CKAP2: variants seen among roughly 807,000 people sequenced by gnomAD.
CKAP2 encodes cytoskeleton associated protein 2, also known as cytoskeleton-associated protein 2.
Under a neutral mutation model 58.4 loss-of-function variants are expected in CKAP2, and 46 were observed. That is an observed-to-expected ratio of 0.79 (90% CI 0.62 to 1.01). The LOEUF is 1.01. Ranked by LOEUF, CKAP2 falls within the 50% of genes least tolerant of loss-of-function variation. The pLI, the probability that CKAP2 is intolerant of heterozygous loss-of-function variation, is 0.00. For synonymous variants in CKAP2, 293 were observed against 280.9 expected, an observed-to-expected ratio of 1.04 and a Z score of -0.43; for missense variants, 809 against 796.4, an observed-to-expected ratio of 1.02 and a Z score of -0.19.
At position 52,476,243 on chromosome 13, in the gene CKAP2, C is replaced by G. The variant is rs1175434347; in HGVS notation, c.*1102C>G. 6.6e-6 allele frequency: 1 copy of G among 152,148 alleles called. No homozygotes were observed. Among genetic ancestry groups the G allele is most frequent in the African/African-American group, 2.4e-5 (1 of 41,448 alleles). The allele number at this position is 152,148 out of a possible 1,614,324, so 9.4% of individuals were successfully genotyped here. On this transcript the variant is annotated 3_prime_UTR_variant, in exon 9 of 9. Coordinates refer to ENST00000258607, the MANE Select transcript of CKAP2 (RefSeq NM_018204.5). The stretch of plus-strand genomic sequence containing the variant: ...TCACATGCTTAGTCATTTTTATGTT[C>G]ATTCCACTTTGTATATCTTTTCTAT...
intron 7 of CKAP2, among the ~76,000 whole-genome samples, chr13:52,472,381 T>G (rs1275262072): frequency 1.3e-5 from 2 of 152,212 alleles, no homozygotes; most frequent in Non-Finnish European, 2.9e-5. Context: ...GTTGAATTAA[T>G]CTATATTCTT....
chr13:52,455,672 G>C (rs1958465615), intron 1 of CKAP2, 46 bp downstream of exon 1: 1 of 1,456,376 alleles, frequency 6.9e-7, no homozygotes, highest in Non-Finnish European at 9.2e-7. Context: ...GGTGGCGGTG[G>C]CGGGCGCGGG....
At chr13:52,471,487 C>T (rs566742208) in intron 7 of CKAP2, among the ~76,000 whole-genome samples, 94 of 149,870 alleles carry the variant, frequency 6.3e-4, no homozygotes, top group Non-Finnish European at 1.2e-3. Flanking sequence ...CATAAGTGGT[C>T]GAAGTAGTTC....
At chr13:52,464,568 A>C (rs1046070091) in intron 5 of CKAP2, among the ~76,000 whole-genome samples, 11 of 152,000 alleles carry the variant, frequency 7.2e-5, no homozygotes, top group South Asian at 6.2e-4. Flanking sequence ...AAAAAAAAAA[A>C]AAAAAACAAT....
At chr13:52,455,705 CG>C (rs1958466540) in intron 1 of CKAP2, 79 bp downstream of exon 1, 1 of 1,352,518 alleles carries the variant, frequency 7.4e-7, no homozygotes, top group African/African-American at 1.6e-5. Context: ...GGCTCGGGGC[CG>C]CGCTGGCGCG....
chr13:52,458,126 T>C lies in CKAP2; in HGVS notation c.155+1519T>C, dbSNP rs142454063. 7.4e-3 allele frequency among the ~76,000 whole-genome samples: 1,124 copies of C among 152,356 alleles called. 5 individuals carry two copies. Among genetic ancestry groups the C allele is most frequent in the African/African-American group, 0.017 (701 of 41,586 alleles). On this transcript the variant is annotated intron_variant, in intron 2 of 8. Transcript: ENST00000258607. ...TTATCCTTCACAAATAAATCTTTTA[T>C]TTCTTTGTTTAAGACAAAAAGGTGA... is the stretch of plus-strand genomic sequence containing the variant.
chr13:52,455,489 C>T lies in CKAP2; in HGVS notation c.-68C>T, dbSNP rs886488678. 5.1e-6 allele frequency: 8 copies of T among 1,581,802 alleles called. No individual in the cohort carries two copies. Among genetic ancestry groups the T allele is most frequent in the Admixed American group, 1.7e-5 (1 of 59,944 alleles). On this transcript the variant is annotated 5_prime_UTR_variant, in exon 1 of 9. Coordinates refer to ENST00000258607, the MANE Select transcript of CKAP2 (RefSeq NM_018204.5). ...GGCTTAGCCGCGGTGCAGACTGCGG[C>T]GGCGGTGGTCTGAGGAAGTTCTATC...
chr13:52,455,723 C>T (rs112594976), intron 1 of CKAP2, 97 bp downstream of exon 1: 54,507 of 1,268,756 alleles, frequency 0.043, 1,405 homozygotes, highest in Middle Eastern at 0.055. Context: ...CGCGCTTCAC[C>T]TCTCCCCCGC....
In CKAP2 at chr13:52,455,499, C is replaced by CT; in HGVS notation, c.-57dup. On this transcript the variant is annotated 5_prime_UTR_variant, in exon 1 of 9. Transcript: ENST00000258607. ...CGGTGCAGACTGCGGCGGCGGTGGTCTGAGGAAGTTCTATCTTGGCGCTAA... is the reference window on the plus strand; with the variant it reads ...CGGTGCAGACTGCGGCGGCGGTGGTCTTGAGGAAGTTCTATCTTGGCGCTAA... 6.2e-7 allele frequency: 1 copy of CT among 1,602,502 alleles called. No homozygotes were observed. Among genetic ancestry groups the CT allele is most frequent in the South Asian group, 1.1e-5 (1 of 90,912 alleles).
chr13:52,464,414 A>G (rs1030553731), intron 5 of CKAP2, among the ~76,000 whole-genome samples: 2 of 152,092 alleles, frequency 1.3e-5, no homozygotes, highest in Non-Finnish European at 2.9e-5. Context: ...TTAGCTGGGC[A>G]TGGAGGCGGG....
Position 52,465,307 on chromosome 13 carries a change from G to A in CKAP2, c.1318G>A (p.Glu440Lys), listed in dbSNP as rs148820633. The change falls in exon 6 of 9, where the codon GAA becomes AAA. Residue 440 changes from glutamate to lysine, a missense_variant. This residue lies in a region of CKAP2 where 3 missense variants were observed against 16.4 expected (regional missense o/e 0.18). Transcript: ENST00000258607. Reference protein sequence around the residue: ...LNLINEGCPKEDILVTLNDLI... With the variant: ...LNLINEGCPKKDILVTLNDLI... ...CTTGCTTTTTTAGGGATGTCCAAAA[G>A]AAGATATACTGGTCACACTGAATGA... is the stretch of plus-strand genomic sequence containing the variant. The A allele has an allele frequency of 1.2e-3, 1,909 of 1,605,286 alleles. 3 individuals carry two copies. Among genetic ancestry groups the A allele is most frequent in the Non-Finnish European group, 1.5e-3 (1,731 of 1,177,704 alleles).
intron 2 of CKAP2, among the ~76,000 whole-genome samples, chr13:52,457,684 C>T (rs1394735409): frequency 4.0e-4 from 61 of 152,108 alleles, no homozygotes. Context: ...GAAACCCCGT[C>T]TCTACTAAAA....
intron 5 of CKAP2, among the ~76,000 whole-genome samples, chr13:52,464,657 TATA>T (rs1351772542): frequency 6.6e-6 from 1 of 151,700 alleles, no homozygotes; most frequent in African/African-American, 2.4e-5. Context: ...TCCTATGGAG[TATA>T]ATAATCAGCT....
intron 6 of CKAP2, among the ~76,000 whole-genome samples, chr13:52,467,100 C>CAAAA (rs34473477): frequency 3.6e-5 from 4 of 110,656 alleles, no homozygotes; most frequent in Admixed American, 1.9e-4. Context: ...CACCCTGTCT[C>CAAAA]AAAAAAAAAA....
At chr13:52,469,026 C>T (rs1958721955) in intron 7 of CKAP2, among the ~76,000 whole-genome samples, 1 of 152,200 alleles carries the variant, frequency 6.6e-6, no homozygotes, top group Non-Finnish European at 1.5e-5. Context: ...CTCCACAACC[C>T]TGCCAGCATC....
chr13:52,468,000 C>T (rs982523389), intron 6 of CKAP2, among the ~76,000 whole-genome samples: 3 of 151,950 alleles, frequency 2.0e-5, no homozygotes, highest in Non-Finnish European at 2.9e-5. Flanking sequence ...TTAGTAGAGA[C>T]GGGGTTTCAC....
rs371952071 is a variant in CKAP2, at chr13:52,465,515, C to T, written c.1476+50C>T. On this transcript the variant is annotated intron_variant, in intron 6 of 8. Transcript: ENST00000258607. Reference sequence around the variant, plus strand: ...TACAATTACAGTGTAGTAGACAATTCGGAATTAATTTGAAACACATCACAA... The same window carrying T: ...TACAATTACAGTGTAGTAGACAATTTGGAATTAATTTGAAACACATCACAA... 5.2e-4 allele frequency: 774 copies of T among 1,500,778 alleles called. 2 individuals carry two copies. The highest frequency in any genetic ancestry group is 4.4e-4 in the Non-Finnish European group (478 of 1,087,716). The allele number at this position is 1,500,778 out of a possible 1,614,324, so 93.0% of individuals were successfully genotyped here. A position where few individuals can be genotyped will look rare whatever the true frequency, so the allele number is the denominator to read the frequency against.
chr13:52,468,947 G>A (rs572499116), intron 7 of CKAP2, among the ~76,000 whole-genome samples: 23 of 152,236 alleles, frequency 1.5e-4, no homozygotes, highest in African/African-American at 5.1e-4. Flanking sequence ...TTGAGGAATC[G>A]CCACACTGTC....
intron 6 of CKAP2, among the ~76,000 whole-genome samples, chr13:52,467,971 G>A (rs1390807309): frequency 6.6e-6 from 1 of 151,922 alleles, no homozygotes; most frequent in African/African-American, 2.4e-5. Context: ...CACCACGCCC[G>A]GCTCATTTTT....
Sources: gnomAD v4.1 joint callset for allele counts (sites outside exome capture counted in the v4.1 genomes callset) on GRCh38, gnomAD v4.1.1 for gene constraint, gnomAD v4.1.1 regional missense constraint, MANE v1.5 for transcripts, NCBI Gene and HGNC (gene_info 2026-07-23, HGNC 2026-07-21) for gene names.